Variants in ZNF7 observed in about 807,000 individuals in gnomAD.
ZNF7 encodes the protein C2-H2 type zinc finger protein.
ZNF7 carries 10 observed loss-of-function variants against 12.0 expected under a neutral mutation model. That is an observed-to-expected ratio of 0.83 (90% CI 0.51 to 1.42). The LOEUF is 1.42. Among genes scored for constraint, ZNF7 ranks in the 40% most tolerant of loss-of-function variants. The pLI, the probability that ZNF7 is intolerant of heterozygous loss-of-function variation, is 0.00. For synonymous variants in ZNF7, 334 were observed against 295.0 expected (o/e 1.13, Z -1.35); for missense variants, 854 against 837.2 (o/e 1.02, Z -0.25).
chr8:144,838,273 T>G (rs1262150350), intron 4 of ZNF7: 2 of 602,328 alleles, frequency 3.3e-6, no homozygotes, highest in Non-Finnish European at 3.0e-6. Context: ...CCCAGTGACC[T>G]CATGGTGACT....
chr8:144,832,920 G>T, intron 3 of ZNF7, among the ~76,000 whole-genome samples: 1 of 152,052 alleles, frequency 6.6e-6, no homozygotes, highest in East Asian at 1.9e-4. Flanking sequence ...CCTTGGCCAG[G>T]CTCGGTGGCT....
At chr8:144,828,433 C>G (rs973055796) in intron 1 of ZNF7, among the ~76,000 whole-genome samples, 3 of 143,746 alleles carry the variant, frequency 2.1e-5, no homozygotes, top group Admixed American at 2.1e-4. Flanking sequence ...CTCCAACCTC[C>G]AGTCGCTCAC....
downstream of ZNF7, chr8:144,846,138 A>T (rs146324932): frequency 2.0e-6 from 3 of 1,536,320 alleles, no homozygotes; most frequent in African/African-American, 4.1e-5. Flanking sequence ...GTTCATGATC[A>T]GGACAGAAGG....
At chr8:144,829,442 C>T (rs200944080) in intron 2 of ZNF7, 36 bp from the exon 3 acceptor site, 17 of 1,613,090 alleles carry the variant, frequency 1.1e-5, no homozygotes, top group African/African-American at 2.7e-5. Context: ...GGCTGGCACC[C>T]AGGGATTCCT....
rs556164175 is a variant in ZNF7, at chr8:144,828,227, G to C, written c.-46+618G>C. 2.6e-5 allele frequency among the ~76,000 whole-genome samples: 4 copies of C among 152,314 alleles called. No individual in the cohort carries two copies. The East Asian group carries it at 7.7e-4, about 29-fold the overall frequency. ...CTCTTTTTCCCATTCCGACCTCCCG[G>C]GGGAATGCCTGGGCAGGTAGAGGGT... On this transcript the variant is annotated intron_variant, in intron 1 of 4. Transcript: ENST00000532777.
At chr8:144,839,322 A>C (rs1315627421) in intron 4 of ZNF7, among the ~76,000 whole-genome samples, 1 of 152,222 alleles carries the variant, frequency 6.6e-6, no homozygotes, top group African/African-American at 2.4e-5. Flanking sequence ...GGAAGTCTGC[A>C]TGTGATGTGT....
intron 1 of ZNF7, among the ~76,000 whole-genome samples, chr8:144,828,365 A>G (rs996084649): frequency 6.6e-6 from 1 of 152,174 alleles, no homozygotes; most frequent in Non-Finnish European, 1.5e-5. Flanking sequence ...ACTTGAGGGC[A>G]GGGGTTTCCA....
downstream of ZNF7, among the ~76,000 whole-genome samples, chr8:144,845,169 C>T (rs1735405): frequency 0.43 from 64,849 of 152,052 alleles, 15,495 homozygotes; most frequent in African/African-American, 0.65. Context: ...TCTGAGATTT[C>T]ATTCTTTGTA....
At chr8:144,838,860 TG>T in intron 4 of ZNF7, 1 of 36,146 alleles carries the variant, frequency 2.8e-5, no homozygotes, top group Non-Finnish European at 1.0e-4. Flanking sequence ...GAGAATGGTG[TG>T]AGCCCAGGAG....
At chr8:144,844,263 G>C (rs905708050), downstream of ZNF7, among the ~76,000 whole-genome samples, 2 of 152,180 alleles carry the variant, frequency 1.3e-5, no homozygotes, top group Non-Finnish European at 2.9e-5. Flanking sequence ...TCAAGCAAAT[G>C]CAAGTACCAA....
chr8:144,844,985 GAC>G (rs1830433469), downstream of ZNF7, among the ~76,000 whole-genome samples: 1 of 152,064 alleles, frequency 6.6e-6, no homozygotes, highest in Admixed American at 6.6e-5. Flanking sequence ...AGTGGGGGTA[GAC>G]CAGCAGACCA....
rs946770063 is a variant in ZNF7 at position 144,838,076 on chromosome 8, G to A, written c.247+569G>A. Reference sequence around the variant, plus strand: ...GCCGTGCCCCCCTGTGAAGGCTTTAGGGAAGGATCCTGTCCTGCCTCTCCG... The same window carrying A: ...GCCGTGCCCCCCTGTGAAGGCTTTAAGGAAGGATCCTGTCCTGCCTCTCCG... On this transcript the variant is annotated intron_variant, in intron 4 of 4. Coordinates refer to ENST00000532777, the MANE Select transcript of ZNF7 (RefSeq NM_003416.4). 17 of 702,888 alleles carry A rather than the reference G, an allele frequency of 2.4e-5. No homozygotes were observed. The Admixed American group carries it at 3.2e-4, about 13-fold the overall frequency. The allele number at this position is 702,888 out of a possible 1,614,324, so 43.5% of individuals were successfully genotyped here. A position where few individuals can be genotyped will look rare whatever the true frequency, so the allele number is the denominator to read the frequency against.
chr8:144,832,872 C>G (rs1251169217), intron 3 of ZNF7, among the ~76,000 whole-genome samples: 1 of 152,106 alleles, frequency 6.6e-6, no homozygotes, highest in African/African-American at 2.4e-5. Context: ...TTTGTCCACA[C>G]ATAGCTGTTT....
At chr8:144,845,496 T>G (rs114147274), downstream of ZNF7, among the ~76,000 whole-genome samples, 3,895 of 152,246 alleles carry the variant, frequency 0.026, 167 homozygotes, top group African/African-American at 0.09. Flanking sequence ...GGCAGGTGGC[T>G]TGCTCAAGGC....
intron 1 of ZNF7, chr8:144,828,110 G>A (rs978737199): frequency 2.9e-4 from 44 of 152,356 alleles, no homozygotes; most frequent in African/African-American, 1.1e-3. Context: ...CCTACTGTCA[G>A]GAGCCAGGTG....
chr8:144,834,421 T>A (rs1828770124), intron 3 of ZNF7: 2 of 152,228 alleles, frequency 1.3e-5, no homozygotes, highest in Non-Finnish European at 2.9e-5. Context: ...CAGGACCGTG[T>A]GGGCATGTTG....
rs1586812245 is a variant in ZNF7, at chr8:144,837,566, C to A, written c.247+59C>A. 8.2e-6 allele frequency: 11 copies of A among 1,344,930 alleles called. No homozygotes were observed. In the East Asian group the frequency reaches 2.1e-4, roughly 26 times the overall value. The allele number at this position is 1,344,930 out of a possible 1,614,324, so 83.3% of individuals were successfully genotyped here. A position where few individuals can be genotyped will look rare whatever the true frequency, so the allele number is the denominator to read the frequency against. On this transcript the variant is annotated intron_variant, in intron 4 of 4. Transcript: ENST00000532777. The stretch of plus-strand genomic sequence containing the variant: ...GGGTGAGGAGAAACTGCAGGAGGGG[C>A]CTCACAACTGTGGGTAGCTGTGGGT...
At chr8:144,836,952 A>T (rs1186902196) in intron 3 of ZNF7, 1 of 153,082 alleles carries the variant, frequency 6.5e-6, no homozygotes, top group Non-Finnish European at 1.5e-5. Flanking sequence ...CTGATGCAAA[A>T]TGTGCTTCGT....
chr8:144,843,896 T>G (rs184158535), downstream of ZNF7: 93 of 152,286 alleles, frequency 6.1e-4, no homozygotes, highest in Admixed American at 1.6e-3. Context: ...TGCCTAGAAT[T>G]CCAACTTCAA....
Sources: gnomAD v4.1 joint callset for allele counts (sites outside exome capture counted in the v4.1 genomes callset) on GRCh38, gnomAD v4.1.1 for gene constraint, MANE v1.5 for transcripts, NCBI Gene and HGNC (gene_info 2026-07-23, HGNC 2026-07-21) for gene names.